Variants in IL17RD observed in about 807,000 individuals in gnomAD.
IL17RD encodes interleukin-17 receptor D.
In IL17RD, 52 loss-of-function variants were observed where a neutral mutation model predicts 80.5. The ratio of observed to expected loss-of-function variants is 0.65; its 90% CI spans 0.52 to 0.81. The LOEUF is 0.81. Among genes scored for constraint, IL17RD ranks in the 40% least tolerant of loss-of-function variants. The probability of loss-of-function intolerance (pLI) is 0.00; values close to 1 mark genes in which losing one functional copy is unlikely to be tolerated. For missense variants in IL17RD, 1,024 were observed against 955.1 expected, an observed-to-expected ratio of 1.07 and a Z score of -0.95; for synonymous variants, 416 against 391.8, an observed-to-expected ratio of 1.06 and a Z score of -0.73.
Position 57,106,011 on chromosome 3 carries a change from G to A in IL17RD, c.596-3C>T. The stretch of plus-strand genomic sequence containing the variant: ...GTTCAGGTTCCGAGGCTTCCAGACT[G>A]GAAGAAGGTAGGACCCAGAGTGAGC... On this transcript the variant is annotated splice_polypyrimidine_tract_variant and splice_region_variant and intron_variant, in intron 6 of 12. Coordinates refer to ENST00000296318, the MANE Select transcript of IL17RD (RefSeq NM_017563.5). 6.2e-7 allele frequency: 1 copy of A among 1,613,724 alleles called. No individual in the cohort carries two copies. The highest frequency in any genetic ancestry group is 8.5e-7 in the Non-Finnish European group (1 of 1,179,720).
intron 1 of IL17RD, among the ~76,000 whole-genome samples, chr3:57,135,302 G>GGGAGGAGGCAGGAGGCTT (rs1303067059): frequency 4.1e-4 from 62 of 152,298 alleles, no homozygotes; most frequent in African/African-American, 1.3e-3. Context: ...GCAGGAGGCT[G>GGGAGGAGGCAGGAGGCTT]GGAGGAGGCA....
chr3:57,126,285 C>T lies in IL17RD; in HGVS notation c.127-5972G>A, dbSNP rs1397827193. Among the ~76,000 whole-genome samples the T allele has an allele frequency of 1.2e-4, 18 of 152,178 alleles. 1 individual carries two copies. Among genetic ancestry groups the T allele is most frequent in the Admixed American group, 1.2e-3 (18 of 15,278 alleles). The stretch of plus-strand genomic sequence containing the variant: ...GAGCTAAGCAGCAAGCCCCGGCTGT[C>T]TGGAGTGCTGCTATGAAATTCCTTT... On this transcript the variant is annotated intron_variant, in intron 1 of 12. Transcript: ENST00000296318.
At position 57,165,251 on chromosome 3, in the gene IL17RD, AAAG is replaced by A. The variant is rs1274139225; in HGVS notation, c.33_35del (p.Phe12del). ...AGCCGTTGAGGCAGGCGTTGACCGT[AAAG>A]AAGACGGAGCAGAGCTGCAGCCACG... On this transcript the variant is annotated inframe_deletion, in exon 1 of 13. Transcript: ENST00000296318. 4 of 1,527,178 alleles carry A rather than the reference AAAG, an allele frequency of 2.6e-6. No individual in the cohort carries two copies. The highest frequency in any genetic ancestry group is 1.8e-6 in the Non-Finnish European group (2 of 1,137,540). The allele number at this position is 1,527,178 out of a possible 1,614,324, so 94.6% of individuals were successfully genotyped here.
At chr3:57,157,991 A>G (rs550396210) in intron 1 of IL17RD, among the ~76,000 whole-genome samples, 1 of 152,308 alleles carries the variant, frequency 6.6e-6, no homozygotes, top group African/African-American at 2.4e-5. Flanking sequence ...GAAGGCAATA[A>G]AGTACTTTTT....
At chr3:57,152,936 T>C (rs2060238323) in intron 1 of IL17RD, among the ~76,000 whole-genome samples, 1 of 152,170 alleles carries the variant, frequency 6.6e-6, no homozygotes, top group Non-Finnish European at 1.5e-5. Flanking sequence ...ACCGTAAACC[T>C]GCCCCGGCCA....
At chr3:57,163,223 C>T (rs74741959) in intron 1 of IL17RD, among the ~76,000 whole-genome samples, 1 of 152,066 alleles carries the variant, frequency 6.6e-6, no homozygotes, top group Non-Finnish European at 1.5e-5. Context: ...GTCCAGGAGG[C>T]GAATGAGGAT....
At chr3:57,147,366 T>A (rs1707954500) in intron 1 of IL17RD, among the ~76,000 whole-genome samples, 1 of 152,170 alleles carries the variant, frequency 6.6e-6, no homozygotes, top group South Asian at 2.1e-4. Flanking sequence ...AAGGTCTCAA[T>A]AAATGGTAGC....
chr3:57,154,746 C>T (rs746938706), intron 1 of IL17RD, among the ~76,000 whole-genome samples: 15 of 152,200 alleles, frequency 9.9e-5, no homozygotes, highest in Non-Finnish European at 2.1e-4. Flanking sequence ...GCCAGCACAA[C>T]CAGATGTTAC....
At chr3:57,116,808 A>T (rs1191790915) in intron 2 of IL17RD, among the ~76,000 whole-genome samples, 1 of 151,836 alleles carries the variant, frequency 6.6e-6, no homozygotes, top group Non-Finnish European at 1.5e-5. Context: ...CACAGCACAG[A>T]GCTTATTGCT....
intron 1 of IL17RD, 198 bp downstream of exon 1, chr3:57,164,963 T>G: frequency 7.6e-7 from 1 of 1,314,812 alleles, no homozygotes; most frequent in Non-Finnish European, 9.7e-7. Context: ...GGCAGCCGCT[T>G]TCATCTCGGC....
At chr3:57,099,583 C>T (rs1021295133) in intron 11 of IL17RD, among the ~76,000 whole-genome samples, 1 of 152,188 alleles carries the variant, frequency 6.6e-6, no homozygotes, top group African/African-American at 2.4e-5. Context: ...GGAAAAAGCC[C>T]CAACATCCAT....
chr3:57,129,328 A>G (rs1283753234), intron 1 of IL17RD, among the ~76,000 whole-genome samples: 1 of 152,202 alleles, frequency 6.6e-6, no homozygotes, highest in Non-Finnish European at 1.5e-5. Flanking sequence ...GTCTCTTCCT[A>G]TGAGGGCAAA....
At position 57,105,552 on chromosome 3, in the gene IL17RD, A is replaced by AAAAAAAAAAAAAAAAAAAAT; in HGVS notation, c.747+304_747+305insATTTTTTTTTTTTTTTTTTT. 4.7e-4 allele frequency among the ~76,000 whole-genome samples: 30 copies of AAAAAAAAAAAAAAAAAAAAT among 63,582 alleles called. 2 individuals are homozygous for AAAAAAAAAAAAAAAAAAAAT. The highest frequency in any genetic ancestry group is 6.1e-4 in the Non-Finnish European group (22 of 35,920). 41.7% of individuals were successfully genotyped at this position (63,582 alleles called of 152,430 possible). A position where few individuals can be genotyped will look rare whatever the true frequency, so the allele number is the denominator to read the frequency against. On this transcript the variant is annotated intron_variant, in intron 7 of 12. Coordinates refer to ENST00000296318, the MANE Select transcript of IL17RD (RefSeq NM_017563.5). ...ACTCCATCTCAAAAAAAAAAAAAAA[A>AAAAAAAAAAAAAAAAAAAAT]ATATATATATATATATATTTGTTCA...
intron 1 of IL17RD, among the ~76,000 whole-genome samples, chr3:57,127,121 G>A (rs1031825759): frequency 2.7e-5 from 4 of 145,634 alleles, no homozygotes; most frequent in East Asian, 2.0e-4. Flanking sequence ...CACTGCACCC[G>A]GCCGGAAGAT....
In IL17RD at chr3:57,102,724, T is replaced by A. The variant is rs562140851; in HGVS notation, c.869-135A>T. Reference sequence around the variant, plus strand: ...GCAACCACCTTTCTCTAGTGTGGTTTGGTGATTTAAAAAGGATTCAAAGGT... The same window carrying A: ...GCAACCACCTTTCTCTAGTGTGGTTAGGTGATTTAAAAAGGATTCAAAGGT... On this transcript the variant is annotated intron_variant, in intron 9 of 12. Transcript: ENST00000296318. The A allele has an allele frequency of 3.6e-3, 1,737 of 485,500 alleles. 12 individuals are homozygous for A. The highest frequency in any genetic ancestry group is 4.0e-3 in the Non-Finnish European group (1,093 of 271,548). The allele number at this position is 485,500 out of a possible 1,614,324, so 30.1% of individuals were successfully genotyped here. A position where few individuals can be genotyped will look rare whatever the true frequency, so the allele number is the denominator to read the frequency against.
intron 1 of IL17RD, among the ~76,000 whole-genome samples, chr3:57,123,611 T>A (rs1399711220): frequency 6.6e-6 from 1 of 152,204 alleles, no homozygotes; most frequent in Non-Finnish European, 1.5e-5. Context: ...AGCATGGCAC[T>A]TTTAGGGATG....
chr3:57,159,053 T>C (rs183780730), intron 1 of IL17RD, among the ~76,000 whole-genome samples: 1 of 152,150 alleles, frequency 6.6e-6, no homozygotes, highest in Non-Finnish European at 1.5e-5. Flanking sequence ...AAATTGTTGA[T>C]TGGATTGCTT....
chr3:57,101,764 A>G (rs906332292), intron 10 of IL17RD, among the ~76,000 whole-genome samples: 7 of 152,262 alleles, frequency 4.6e-5, no homozygotes, highest in Non-Finnish European at 7.3e-5. Context: ...AGTAAAGTAC[A>G]TAAATCTTAA....
At chr3:57,105,552 A>AAAAAAATATAT in intron 7 of IL17RD, among the ~76,000 whole-genome samples, 2 of 63,588 alleles carry the variant, frequency 3.1e-5, no homozygotes, top group African/African-American at 1.9e-4. Flanking sequence ...AAAAAAAAAA[A>AAAAAAATATAT]ATATATATAT....
Sources: allele counts gnomAD v4.1 joint callset (sites outside exome capture counted in the v4.1 genomes callset), GRCh38; gene constraint gnomAD v4.1.1; transcripts MANE v1.5; gene names NCBI Gene and HGNC (gene_info 2026-07-23, HGNC 2026-07-21).